The following OVOL2 variants were observed in gnomAD, a reference collection of about 807,000 sequenced individuals.
OVOL2 encodes the protein ovo like zinc finger 2.
Under a neutral mutation model 18.1 loss-of-function variants are expected in OVOL2, and 13 were observed. The observed-to-expected ratio is 0.72, with a 90% CI of 0.47 to 1.14. The LOEUF is 1.14. Ranked by LOEUF, OVOL2 falls within the 50% of genes most tolerant of loss-of-function variation. The pLI is 0.00. For synonymous variants in OVOL2, 166 were observed against 162.7 expected (o/e 1.02, Z -0.16); for missense variants, 335 against 383.0 (o/e 0.87, Z 1.05).
At chr20:18,047,330 T>C (rs1433428812) in intron 2 of OVOL2, among the ~76,000 whole-genome samples, 1 of 151,566 alleles carries the variant, frequency 6.6e-6, no homozygotes, top group Non-Finnish European at 1.5e-5. Context: ...CTGACCAATA[T>C]GATGAAACCC....
chr20:18,033,049 C>G (rs922290174), intron 3 of OVOL2, among the ~76,000 whole-genome samples: 10 of 152,204 alleles, frequency 6.6e-5, no homozygotes, highest in African/African-American at 1.9e-4. Context: ...AGCATTCAGG[C>G]CACTAGGGGT....
chr20:18,054,784 AAAG>A (rs1568641043), intron 2 of OVOL2, among the ~76,000 whole-genome samples: 14 of 80,978 alleles, frequency 1.7e-4, no homozygotes, highest in African/African-American at 4.9e-4. Flanking sequence ...AAAAAAAAAG[AAAG>A]AAAAGAAAAG....
Position 18,024,322 on chromosome 20 carries a change from C to A in OVOL2, c.*314G>T, listed in dbSNP as rs2036487722. The A allele has an allele frequency of 3.5e-6, 1 of 282,996 alleles. No individual in the cohort carries two copies. The highest frequency in any genetic ancestry group is 6.6e-6 in the Non-Finnish European group (1 of 151,632). The allele number at this position is 282,996 out of a possible 1,614,324, so 17.5% of individuals were successfully genotyped here. On this transcript the variant is annotated 3_prime_UTR_variant, in exon 4 of 4. Transcript: ENST00000278780. ...AAAATGATGATCTCTCTAAGAAATA[C>A]CTCTCCTTCCGTGTGTGAAAATCCT...
At chr20:18,040,934 T>C (rs7272417) in intron 3 of OVOL2, among the ~76,000 whole-genome samples, 2,706 of 152,274 alleles carry the variant, frequency 0.018, 34 homozygotes, top group South Asian at 0.054. Flanking sequence ...GGGGCTGAGC[T>C]GTGGCAGGCC....
At chr20:18,038,254 C>T (rs766532279) in intron 3 of OVOL2, among the ~76,000 whole-genome samples, 1 of 152,188 alleles carries the variant, frequency 6.6e-6, no homozygotes, top group Non-Finnish European at 1.5e-5. Flanking sequence ...GAAGCCTCTG[C>T]CAACTGTTGC....
chr20:18,054,989 G>A (rs1216816522), intron 2 of OVOL2, among the ~76,000 whole-genome samples: 1 of 152,024 alleles, frequency 6.6e-6, no homozygotes, highest in Non-Finnish European at 1.5e-5. Context: ...GGGGGTAGAG[G>A]CAGAAAGAGG....
At position 18,024,347 on chromosome 20, in the gene OVOL2, T is replaced by G. The variant is rs890227460; in HGVS notation, c.*289A>C. 2.8e-6 allele frequency: 1 copy of G among 362,848 alleles called. No homozygotes were observed. The highest frequency in any genetic ancestry group is 4.5e-5 in the Admixed American group (1 of 22,074). The allele number at this position is 362,848 out of a possible 1,614,324, so 22.5% of individuals were successfully genotyped here. A position where few individuals can be genotyped will look rare whatever the true frequency, so the allele number is the denominator to read the frequency against. Reference sequence around the variant, plus strand: ...CCTCTCCTTCCGTGTGTGAAAATCCTTGGGGGAAAAAAAAATCCCACACGG... The same window carrying G: ...CCTCTCCTTCCGTGTGTGAAAATCCGTGGGGGAAAAAAAAATCCCACACGG... On this transcript the variant is annotated 3_prime_UTR_variant, in exon 4 of 4. Coordinates refer to ENST00000278780, the MANE Select transcript of OVOL2 (RefSeq NM_021220.4).
intron 3 of OVOL2, among the ~76,000 whole-genome samples, chr20:18,028,262 C>T (rs976889210): frequency 2.6e-5 from 4 of 151,914 alleles, no homozygotes; most frequent in Admixed American, 6.5e-5. Flanking sequence ...CTGCAACCTC[C>T]GCTTCCCTAG....
chr20:18,054,370 C>T (rs1037557053), intron 2 of OVOL2, among the ~76,000 whole-genome samples: 4 of 152,226 alleles, frequency 2.6e-5, no homozygotes, highest in Non-Finnish European at 4.4e-5. Flanking sequence ...AGGTGTTAGA[C>T]GGGCAGAGTG....
rs2036721939 is a variant in OVOL2 at position 18,046,064 on chromosome 20, T to A, written c.322-4341A>T. Among the ~76,000 whole-genome samples the A allele has an allele frequency of 2.6e-5, 4 of 152,256 alleles. No homozygotes were observed. The South Asian group carries it at 8.3e-4, about 32-fold the overall frequency. Reference sequence around the variant, plus strand: ...TTATGACCAATCCAGCCATCAGATATTAACAAATTACACTCAAAGTCTTCA... The same window carrying A: ...TTATGACCAATCCAGCCATCAGATAATAACAAATTACACTCAAAGTCTTCA... On this transcript the variant is annotated intron_variant, in intron 2 of 3. Coordinates refer to ENST00000278780, the MANE Select transcript of OVOL2 (RefSeq NM_021220.4).
chr20:18,053,921 T>C (rs766265190), intron 2 of OVOL2, among the ~76,000 whole-genome samples: 86 of 152,128 alleles, frequency 5.7e-4, no homozygotes, highest in Non-Finnish European at 1.6e-4. Context: ...ATCCTTTCTA[T>C]GCTCCAGCTG....
intron 3 of OVOL2, among the ~76,000 whole-genome samples, chr20:18,026,839 C>A (rs2036523707): frequency 2.0e-5 from 3 of 152,100 alleles, no homozygotes; most frequent in African/African-American, 4.8e-5. Context: ...CAGCTCAGCA[C>A]CCTACACTGG....
chr20:18,034,160 C>T (rs978808246), intron 3 of OVOL2, among the ~76,000 whole-genome samples: 52 of 152,124 alleles, frequency 3.4e-4, no homozygotes, highest in African/African-American at 1.3e-3. Context: ...GTGCATGTCC[C>T]CAGCTGTCGT....
At chr20:18,037,855 C>G (rs2036631480) in intron 3 of OVOL2, among the ~76,000 whole-genome samples, 1 of 152,194 alleles carries the variant, frequency 6.6e-6, no homozygotes, top group Non-Finnish European at 1.5e-5. Flanking sequence ...GACCTCCCCT[C>G]CCTCCTCTAC....
intron 2 of OVOL2, among the ~76,000 whole-genome samples, chr20:18,050,315 G>GT (rs1318412559): frequency 4.6e-5 from 7 of 152,156 alleles, no homozygotes; most frequent in African/African-American, 1.7e-4. Flanking sequence ...AGAGGCAATT[G>GT]TTTTACACTT....
intron 2 of OVOL2, among the ~76,000 whole-genome samples, chr20:18,046,473 C>G (rs542351368): frequency 6.6e-6 from 1 of 152,348 alleles, no homozygotes; most frequent in South Asian, 2.1e-4. Flanking sequence ...CGCCATCTGA[C>G]TGCAACCACA....
intron 3 of OVOL2, among the ~76,000 whole-genome samples, chr20:18,039,234 C>T (rs1166204567): frequency 1.3e-5 from 2 of 152,184 alleles, no homozygotes; most frequent in Non-Finnish European, 2.9e-5. Flanking sequence ...TGAGTGTGTT[C>T]ACTTTGTAAA....
In OVOL2 at chr20:18,024,428, C is replaced by T. The variant is rs2036489476; in HGVS notation, c.*208G>A. On this transcript the variant is annotated 3_prime_UTR_variant, in exon 4 of 4. Coordinates refer to ENST00000278780, the MANE Select transcript of OVOL2 (RefSeq NM_021220.4). ...ACTTTGGTGAATGTGAGCAACTGCG[C>T]CAGACAGGACACAGGTTACAGGGCC... 1 of 1,106,512 alleles carries T rather than the reference C, an allele frequency of 9.0e-7. No homozygotes were observed. Among genetic ancestry groups the T allele is most frequent in the Non-Finnish European group, 1.2e-6 (1 of 831,250 alleles). 68.5% of individuals were successfully genotyped at this position (1,106,512 alleles called of 1,614,324 possible). A position where few individuals can be genotyped will look rare whatever the true frequency, so the allele number is the denominator to read the frequency against.
chr20:18,040,173 C>T (rs549785794), intron 3 of OVOL2, among the ~76,000 whole-genome samples: 135 of 152,296 alleles, frequency 8.9e-4, no homozygotes, highest in Non-Finnish European at 1.1e-3. Flanking sequence ...ATCCTCCCAC[C>T]TTGGCCTCCT....
Sources: gnomAD v4.1 joint callset for allele counts (sites outside exome capture counted in the v4.1 genomes callset) on GRCh38, gnomAD v4.1.1 for gene constraint, MANE v1.5 for transcripts, NCBI Gene and HGNC (gene_info 2026-07-23, HGNC 2026-07-21) for gene names.